The following SIPA1L1 variants were observed in gnomAD, a reference collection of about 807,000 sequenced individuals.
SIPA1L1 encodes signal induced proliferation associated 1 like 1.
SIPA1L1 carries 26 observed loss-of-function variants against 162.7 expected under a neutral mutation model. The observed-to-expected ratio is 0.16, with a 90% CI of 0.12 to 0.22. The LOEUF (loss-of-function observed/expected upper bound fraction) is 0.22. SIPA1L1 is among the 10% of genes least tolerant of loss of function. The probability of loss-of-function intolerance (pLI) is 1.00; values close to 1 mark genes in which losing one functional copy is unlikely to be tolerated. For missense variants in SIPA1L1, 1,874 were observed against 2,241.0 expected (o/e 0.84, Z 3.31); for synonymous variants, 829 against 837.4 (o/e 0.99, Z 0.17).
intron 5 of SIPA1L1, among the ~76,000 whole-genome samples, chr14:71,596,128 A>G (rs2035998077): frequency 6.6e-6 from 1 of 152,200 alleles, no homozygotes; most frequent in Admixed American, 6.5e-5. Context: ...TCGCAGAGAA[A>G]GGCTTCAGTC....
At chr14:71,697,071 A>G (rs1196470468) in intron 13 of SIPA1L1, among the ~76,000 whole-genome samples, 1 of 152,204 alleles carries the variant, frequency 6.6e-6, no homozygotes, top group African/African-American at 2.4e-5. Flanking sequence ...AGAGGGTCTC[A>G]GGGATTTGGT....
At position 71,730,060 on chromosome 14, in the gene SIPA1L1, C is replaced by G; in HGVS notation, c.4620C>G (p.His1540Gln). The change falls in exon 20 of 24, where the codon CAC becomes CAG. Residue 1540 changes from histidine to glutamine, a missense_variant. His to Gln is a conservative substitution (Grantham distance 24). Transcript: ENST00000381232. ...TPESQKSFKF[H>Q]ALSSPQSPFP... ...GTCTTGATCCTGTTTTTCAGTTCCA[C>G]GCACTCTCCTCTCCTCAGTCTCCTT... 6.2e-7 allele frequency: 1 copy of G among 1,613,546 alleles called. No individual in the cohort carries two copies. Among genetic ancestry groups the G allele is most frequent in the Non-Finnish European group, 8.5e-7 (1 of 1,179,682 alleles).
chr14:71,575,367 T>C (rs1405637711), intron 4 of SIPA1L1, among the ~76,000 whole-genome samples: 3 of 152,174 alleles, frequency 2.0e-5, no homozygotes, highest in East Asian at 3.8e-4. Context: ...GTGACTATCA[T>C]TGGGCTTGGG....
intron 2 of SIPA1L1, among the ~76,000 whole-genome samples, chr14:71,417,831 A>G (rs1311422133): frequency 6.6e-6 from 1 of 152,240 alleles, no homozygotes; most frequent in East Asian, 1.9e-4. Flanking sequence ...AAAAATGTAT[A>G]GTAGCTAGGG....
At position 71,642,273 on chromosome 14, in the gene SIPA1L1, G is replaced by A. The variant is rs534417047; in HGVS notation, c.1819-8062G>A. On this transcript the variant is annotated intron_variant, in intron 7 of 23. Coordinates refer to ENST00000381232, the MANE Select transcript of SIPA1L1 (RefSeq NM_001386936.1). ...AGTTTCCAGGCTACAGTACAGGCAG[G>A]GGGTACCCAGTTAAAGGCCAGAAGC... 5.3e-5 allele frequency among the ~76,000 whole-genome samples: 8 copies of A among 152,268 alleles called. 1 individual carries two copies. In the East Asian group the frequency reaches 9.6e-4, roughly 18 times the overall value.
intron 5 of SIPA1L1, among the ~76,000 whole-genome samples, chr14:71,605,694 ATGGAGGCTCTGC>A (rs2037405436): frequency 6.6e-6 from 1 of 152,180 alleles, no homozygotes. Flanking sequence ...ACAGTTGTTA[ATGGAGGCTCTGC>A]TGAACTTTTG....
intron 5 of SIPA1L1, among the ~76,000 whole-genome samples, chr14:71,617,729 GATA>G (rs1431151644): frequency 6.6e-6 from 1 of 152,052 alleles, no homozygotes; most frequent in Non-Finnish European, 1.5e-5. Flanking sequence ...CATTTTGTGT[GATA>G]ATGAGATATT....
In SIPA1L1 at chr14:71,618,744, T is replaced by TA. The variant is rs1157129106; in HGVS notation, c.1499-12dup. The TA allele has an allele frequency of 4.3e-6, 7 of 1,609,476 alleles. No homozygotes were observed. Among genetic ancestry groups the TA allele is most frequent in the Non-Finnish European group, 5.9e-6 (7 of 1,177,962 alleles). On this transcript the variant is annotated splice_polypyrimidine_tract_variant and intron_variant, in intron 5 of 23. Coordinates refer to ENST00000381232, the MANE Select transcript of SIPA1L1 (RefSeq NM_001386936.1). ...TAGATTTTCTAACTTTGTTTTGTCT[T>TA]ATTTTACCTAAGAACACTGGAACTA...
At chr14:71,647,081 C>T (rs910551879) in intron 7 of SIPA1L1, among the ~76,000 whole-genome samples, 1 of 152,028 alleles carries the variant, frequency 6.6e-6, no homozygotes, top group Non-Finnish European at 1.5e-5. Flanking sequence ...AGCCTGAGTT[C>T]GGAGAATGCT....
chr14:71,496,072 GAA>G lies in SIPA1L1; in HGVS notation c.-464-16657_-464-16656del, dbSNP rs61282539. 5.0e-3 allele frequency among the ~76,000 whole-genome samples: 654 copies of G among 129,596 alleles called. 2 individuals are homozygous for G. Among genetic ancestry groups the G allele is most frequent in the African/African-American group, 0.015 (497 of 34,102 alleles). 85.0% of individuals were successfully genotyped at this position (129,596 alleles called of 152,430 possible). ...TGCAAGATCCTGTCTTAAAAAAAAA[GAA>G]AAAAAAAAAAAAAGCTATAAAATTG... On this transcript the variant is annotated intron_variant, in intron 2 of 23. Coordinates refer to ENST00000381232, the MANE Select transcript of SIPA1L1 (RefSeq NM_001386936.1).
chr14:71,634,540 A>G (rs967114874), intron 7 of SIPA1L1, among the ~76,000 whole-genome samples: 7 of 152,098 alleles, frequency 4.6e-5, no homozygotes, highest in Admixed American at 2.0e-4. Context: ...CTGTCAACCC[A>G]GAATTCTGTG....
chr14:71,335,406 C>T (rs1439484339), intron 2 of SIPA1L1, among the ~76,000 whole-genome samples: 2 of 152,208 alleles, frequency 1.3e-5, no homozygotes, highest in Non-Finnish European at 2.9e-5. Flanking sequence ...CTGCTGTCCT[C>T]GTTTGATTAT....
chr14:71,403,177 T>G (rs1402713951), intron 2 of SIPA1L1, among the ~76,000 whole-genome samples: 1 of 152,254 alleles, frequency 6.6e-6, no homozygotes, highest in Non-Finnish European at 1.5e-5. Flanking sequence ...TTCATGTACT[T>G]CTCTGCCTCA....
intron 4 of SIPA1L1, among the ~76,000 whole-genome samples, chr14:71,565,828 A>AAAG (rs55660303): frequency 0.84 from 127,148 of 151,916 alleles, 53,818 homozygotes; most frequent in African/African-American, 0.95. Flanking sequence ...ATATTTATAA[A>AAAG]AAAAATCCTT....
chr14:71,448,813 T>A (rs1206541320), intron 2 of SIPA1L1: 1 of 152,284 alleles, frequency 6.6e-6, no homozygotes, highest in East Asian at 1.9e-4. Context: ...AAGTTCAGCA[T>A]TTCCTGGGAG....
chr14:71,355,883 G>A (rs1343716144), intron 2 of SIPA1L1, among the ~76,000 whole-genome samples: 1 of 152,070 alleles, frequency 6.6e-6, no homozygotes, highest in Admixed American at 6.6e-5. Context: ...TGTTGGTTGG[G>A]GTTTTTTGTT....
chr14:71,547,485 G>C (rs1177568421), intron 4 of SIPA1L1, among the ~76,000 whole-genome samples: 2 of 151,588 alleles, frequency 1.3e-5, no homozygotes, highest in Non-Finnish European at 2.9e-5. Context: ...GTAGAGACAG[G>C]GTTTCACTGT....
intron 2 of SIPA1L1, among the ~76,000 whole-genome samples, chr14:71,385,034 A>G (rs1054353357): frequency 2.0e-5 from 3 of 152,238 alleles, no homozygotes; most frequent in Admixed American, 2.0e-4. Flanking sequence ...GTTAGAATCC[A>G]GGAGAGGGTG....
intron 2 of SIPA1L1, among the ~76,000 whole-genome samples, chr14:71,474,920 TTG>T (rs1416218256): frequency 6.6e-6 from 1 of 152,170 alleles, no homozygotes; most frequent in East Asian, 1.9e-4. Context: ...TAAGAACATT[TTG>T]TGTGTGTAGG....
Sources: gnomAD v4.1 joint callset for allele counts (sites outside exome capture counted in the v4.1 genomes callset) on GRCh38, gnomAD v4.1.1 for gene constraint, MANE v1.5 for transcripts, NCBI Gene and HGNC (gene_info 2026-07-23, HGNC 2026-07-21) for gene names.